Variants in OSBPL5 observed in about 807,000 individuals in gnomAD.
The protein encoded by OSBPL5 is oxysterol-binding protein-related protein 5.
OSBPL5 carries 71 observed loss-of-function variants against 111.2 expected under a neutral mutation model. That is an observed-to-expected ratio of 0.64 (90% CI 0.53 to 0.78). The LOEUF is 0.78. OSBPL5 is among the 30% of genes least tolerant of loss of function. The probability of loss-of-function intolerance (pLI) is 0.00; values close to 1 mark genes in which losing one functional copy is unlikely to be tolerated. For synonymous variants in OSBPL5, 549 were observed against 513.9 expected, an observed-to-expected ratio of 1.07 and a Z score of -0.93; for missense variants, 1,210 against 1,189.3, an observed-to-expected ratio of 1.02 and a Z score of -0.26.
At chr11:3,131,579 C>T (rs1388696347) in intron 1 of OSBPL5, among the ~76,000 whole-genome samples, 6 of 137,304 alleles carry the variant, frequency 4.4e-5, no homozygotes, top group African/African-American at 1.8e-4. Flanking sequence ...ATCCATCCAT[C>T]CATCCACCCA....
At position 3,092,811 on chromosome 11, in the gene OSBPL5, C is replaced by A; in HGVS notation, c.2132+56G>T. 1 of 1,472,520 alleles carries A rather than the reference C, an allele frequency of 6.8e-7. No homozygotes were observed. Among genetic ancestry groups the A allele is most frequent in the Non-Finnish European group, 9.1e-7 (1 of 1,103,550 alleles). 91.2% of individuals were successfully genotyped at this position (1,472,520 alleles called of 1,614,324 possible). ...CCAGGAGCCCCTGGGCCCTTCTCAGCCCGTCTGCTAGGCCCAGCCCCACCC... is the reference window on the plus strand; with the variant it reads ...CCAGGAGCCCCTGGGCCCTTCTCAGACCGTCTGCTAGGCCCAGCCCCACCC... On this transcript the variant is annotated intron_variant, in intron 18 of 21. Transcript: ENST00000263650. This position sits in a 1 kb window ranked among gnomAD's most constrained non-coding sequence, Gnocchi z 5.4.
rs1156983924 is a variant in OSBPL5 at position 3,101,639 on chromosome 11, T to C, written c.1486A>G (p.Ile496Val). 5.0e-6 allele frequency: 8 copies of C among 1,613,836 alleles called. No individual in the cohort carries two copies. The highest frequency in any genetic ancestry group is 1.1e-5 in the South Asian group (1 of 91,084). ...GACTTGGCTGTGATGCTGCCACTGA[T>C]GCAGAAGCCGTCCTTCCGGTTGCTG... ...HVSNRKDGFC[I>V]SGSITAKSRF... The change falls in exon 13 of 22, where the codon ATC becomes GTC. Residue 496 changes from isoleucine (I) to valine (V), a missense_variant. Transcript: ENST00000263650.
At chr11:3,102,025 C>T (rs1389452382) in intron 12 of OSBPL5, among the ~76,000 whole-genome samples, 158 bp downstream of exon 12, 1 of 152,200 alleles carries the variant, frequency 6.6e-6, no homozygotes, top group African/African-American at 2.4e-5. Context: ...TTGGCAGCGG[C>T]TGGGTCCACA....
At chr11:3,091,044 ACCCCT>A (rs2134380085) in intron 19 of OSBPL5, among the ~76,000 whole-genome samples, 1 of 152,196 alleles carries the variant, frequency 6.6e-6, no homozygotes, top group East Asian at 1.9e-4. Context: ...GGTGGTTCTG[ACCCCT>A]GAGCCATGAG....
chr11:3,126,685 G>A lies in OSBPL5; in HGVS notation c.137-130C>T. On this transcript the variant is annotated intron_variant, in intron 2 of 21. Transcript: ENST00000263650. This position sits in a 1 kb window ranked among gnomAD's most constrained non-coding sequence, Gnocchi z 6.5. Reference sequence around the variant, plus strand: ...GGGAGGGGCAGGAAGTCAGCCGGAGGTGGTGGCAGGAACAGGACACTGCCT... The same window carrying A: ...GGGAGGGGCAGGAAGTCAGCCGGAGATGGTGGCAGGAACAGGACACTGCCT... 1 of 671,570 alleles carries A rather than the reference G, an allele frequency of 1.5e-6. No homozygotes were observed. The highest frequency in any genetic ancestry group is 3.0e-5 in the East Asian group (1 of 33,634). The allele number at this position is 671,570 out of a possible 1,614,324, so 41.6% of individuals were successfully genotyped here. A position where few individuals can be genotyped will look rare whatever the true frequency, so the allele number is the denominator to read the frequency against.
chr11:3,127,448 G>A (rs1199857789), intron 2 of OSBPL5, among the ~76,000 whole-genome samples: 3 of 152,170 alleles, frequency 2.0e-5, no homozygotes, highest in Non-Finnish European at 2.9e-5. Flanking sequence ...GACGAAGAAC[G>A]GAAAAGCCAG....
rs368760887 is a variant in OSBPL5, at chr11:3,154,260, G to A, written c.-22+10956C>T. ...TGGGACCTGGAGAGCACGGCCCTGC[G>A]TGCAGCACCTGCCAGTAGGTAGCAG... On this transcript the variant is annotated intron_variant, in intron 1 of 21. Transcript: ENST00000263650. This position sits in a 1 kb window ranked among gnomAD's most constrained non-coding sequence, Gnocchi z 4.9. 4.1e-4 allele frequency among the ~76,000 whole-genome samples: 63 copies of A among 152,354 alleles called. No individual in the cohort carries two copies. Among genetic ancestry groups the A allele is most frequent in the African/African-American group, 6.5e-4 (27 of 41,582 alleles).
At chr11:3,091,203 G>T (rs1336642987) in intron 19 of OSBPL5, among the ~76,000 whole-genome samples, 2 of 152,242 alleles carry the variant, frequency 1.3e-5, no homozygotes, top group South Asian at 2.1e-4. Flanking sequence ...TGCAGGCAGG[G>T]CTCATCCATT....
In OSBPL5 at chr11:3,120,630, G is replaced by A. The variant is rs1458390043; in HGVS notation, c.403-6C>T. On this transcript the variant is annotated splice_polypyrimidine_tract_variant and splice_region_variant and intron_variant, in intron 5 of 21. Transcript: ENST00000263650. ...CTCTTCAGGGTGCCGCGGATCTGCAGGGAGGATGCTGGCGTCGATGCCCAC... is the reference window on the plus strand; with the variant it reads ...CTCTTCAGGGTGCCGCGGATCTGCAAGGAGGATGCTGGCGTCGATGCCCAC... The A allele has an allele frequency of 6.2e-7, 1 of 1,611,792 alleles. No individual in the cohort carries two copies. Among genetic ancestry groups the A allele is most frequent in the East Asian group, 2.2e-5 (1 of 44,872 alleles).
In OSBPL5 at chr11:3,097,475, A is replaced by AACAACCTACTAAGAAAATGTGAAG. The variant is rs554612386; in HGVS notation, c.1621+2682_1621+2683insCTTCACATTTTCTTAGTAGGTTGT. Among the ~76,000 whole-genome samples the AACAACCTACTAAGAAAATGTGAAG allele has an allele frequency of 1.5e-4, 23 of 152,288 alleles. 1 individual carries two copies. In the South Asian group the frequency reaches 4.8e-3, roughly 32 times the overall value. On this transcript the variant is annotated intron_variant, in intron 14 of 21. Transcript: ENST00000263650. ...ATCTATACTTCCTCTGTGTCCCAGA[A>AACAACCTACTAAGAAAATGTGAAG]ACAACCTACTAAGAAAATGTGAGAG... is the stretch of plus-strand genomic sequence containing the variant.
rs750564557 is a variant in OSBPL5 at position 3,092,484 on chromosome 11, T to A, written c.2207A>T (p.Glu736Val). 2 of 1,576,140 alleles carry A rather than the reference T, an allele frequency of 1.3e-6. No individual in the cohort carries two copies. Among genetic ancestry groups the A allele is most frequent in the Non-Finnish European group, 1.7e-6 (2 of 1,161,408 alleles). The stretch of plus-strand genomic sequence containing the variant: ...GAAGGTGGTCTGGCGGGCCACGGCC[T>A]CCTGCTGCAAGGTCCGCAGGATCCC... ...QDGILRTLQQ[E>V]AVARQTTFLG... The change falls in exon 19 of 22, where the codon GAG becomes GTG. Residue 736 changes from glutamate to valine, a missense_variant. Physicochemically the swap from Glu to Val is moderately radical, Grantham distance 121. Transcript: ENST00000263650. This position sits in a 1 kb window ranked among gnomAD's most constrained non-coding sequence, Gnocchi z 5.4.
In OSBPL5 at chr11:3,126,904, C is replaced by A. The variant is rs547217617; in HGVS notation, c.137-349G>T. Among the ~76,000 whole-genome samples the A allele has an allele frequency of 8.5e-5, 13 of 152,300 alleles. No individual in the cohort carries two copies. The highest frequency in any genetic ancestry group is 3.4e-3 in the Middle Eastern group (1 of 294). ...AGTTTTCAGAAAAAGAATGTGACAT[C>A]CAGTCTCAAAGACACATGGCAGGTT... On this transcript the variant is annotated intron_variant, in intron 2 of 21. Coordinates refer to ENST00000263650, the MANE Select transcript of OSBPL5 (RefSeq NM_020896.4). The surrounding 1 kb of genome is among the most constrained non-coding windows in gnomAD (Gnocchi z 6.5).
At chr11:3,102,622 G>C (rs1248968468) in intron 11 of OSBPL5, among the ~76,000 whole-genome samples, 1 of 152,132 alleles carries the variant, frequency 6.6e-6, no homozygotes, top group Non-Finnish European at 1.5e-5. Context: ...GCAGTCAGAA[G>C]TCCTGCCTCT....
chr11:3,091,979 A>G (rs1857073322), intron 19 of OSBPL5, among the ~76,000 whole-genome samples: 1 of 152,102 alleles, frequency 6.6e-6, no homozygotes, highest in Non-Finnish European at 1.5e-5. Context: ...AAGGCATGGC[A>G]CCAAGACACA....
chr11:3,128,813 C>T (rs1246150018), intron 2 of OSBPL5, among the ~76,000 whole-genome samples, 200 bp downstream of exon 2: 1 of 152,032 alleles, frequency 6.6e-6, no homozygotes, highest in African/African-American at 2.4e-5. Flanking sequence ...AGATGGGCTT[C>T]ACCTGGCCCC....
chr11:3,093,106 G>T (rs1857123411), intron 17 of OSBPL5, 54 bp from the exon 18 acceptor site: 16 of 1,446,334 alleles, frequency 1.1e-5, no homozygotes, highest in Middle Eastern at 2.5e-4. Flanking sequence ...CGACCCCTAG[G>T]CAGCTAGGAA....
rs1279285235 is a variant in OSBPL5 at position 3,119,633 on chromosome 11, T to C, written c.607-2A>G. The C allele has an allele frequency of 3.8e-6, 6 of 1,578,216 alleles. No individual in the cohort carries two copies. ...GCCCACGCTCTCACCTTTGGGGCCC[T>C]GGAGAGAGAGAGATCTGGGTGTCAC... On this transcript the variant is annotated splice_acceptor_variant, in intron 6 of 21. Transcript: ENST00000263650. LOFTEE classifies it high-confidence loss of function.
At chr11:3,093,439 T>G in intron 17 of OSBPL5, 88 bp downstream of exon 17, 1 of 1,542,384 alleles carries the variant, frequency 6.5e-7, no homozygotes, top group African/African-American at 1.4e-5. Context: ...CCTGGGGCCA[T>G]GCTCACAGCA....
rs1221274184 is a variant in OSBPL5, at chr11:3,109,078, TTTTTTG to T, written c.692-1139_692-1134del. ...CCACCACACCGGGTCAATAAGTGTG[TTTTTTG>T]TTTTTGTTTTTTTGTTGTTTTGAGA... is the stretch of plus-strand genomic sequence containing the variant. On this transcript the variant is annotated intron_variant, in intron 7 of 21. Transcript: ENST00000263650. This position sits in a 1 kb window ranked among gnomAD's most constrained non-coding sequence, Gnocchi z 7.4. Among the ~76,000 whole-genome samples, 1 of 150,902 alleles carries T rather than the reference TTTTTTG, an allele frequency of 6.6e-6. No individual in the cohort carries two copies. The highest frequency in any genetic ancestry group is 6.6e-5 in the Admixed American group (1 of 15,114).
Sources: gnomAD v4.1 joint callset for allele counts (sites outside exome capture counted in the v4.1 genomes callset) on GRCh38, gnomAD v4.1.1 for gene constraint, Gnocchi (gnomAD v3.1) non-coding constraint, MANE v1.5 for transcripts, NCBI Gene and HGNC (gene_info 2026-07-23, HGNC 2026-07-21) for gene names.